ELAPOR2: variants seen among roughly 807,000 people sequenced by gnomAD.
ELAPOR2 encodes endosome-lysosome associated apoptosis and autophagy regulator family member 2.
A neutral mutation model predicts 120.7 loss-of-function variants in ELAPOR2; 89 were observed. That is an observed-to-expected ratio of 0.74 (90% confidence interval 0.62 to 0.88). The LOEUF (loss-of-function observed/expected upper bound fraction) is 0.88, where lower values mean the gene tolerates loss of function less well. ELAPOR2 is among the 40% of genes least tolerant of loss of function. ELAPOR2 has a pLI of 0.00. For missense variants in ELAPOR2, 1,134 were observed against 1,251.6 expected (o/e 0.91, Z 1.42); for synonymous variants, 444 against 444.9 (o/e 1.00, Z 0.03).
intron 1 of ELAPOR2, among the ~76,000 whole-genome samples, chr7:86,978,238 C>CG: frequency 6.6e-6 from 1 of 152,250 alleles, no homozygotes; most frequent in East Asian, 1.9e-4. Context: ...TGCCTTCCGC[C>CG]GTGACTGTAA....
chr7:86,988,737 GCCTGACCC>G (rs973651994), intron 1 of ELAPOR2, among the ~76,000 whole-genome samples: 1 of 152,180 alleles, frequency 6.6e-6, no homozygotes, highest in African/African-American at 2.4e-5. Context: ...CCTTGAGTGT[GCCTGACCC>G]CCTCCCCTGG....
At chr7:87,014,506 G>A (rs1374458893) in intron 1 of ELAPOR2, among the ~76,000 whole-genome samples, 1 of 152,060 alleles carries the variant, frequency 6.6e-6, no homozygotes, top group Non-Finnish European at 1.5e-5. Flanking sequence ...GCCAAACACG[G>A]GTTTACACAC....
chr7:86,876,982 A>G lies in ELAPOR2; in HGVS notation c.*3489T>C, dbSNP rs1799192121. 3 of 152,196 alleles carry G rather than the reference A, an allele frequency of 2.0e-5. No individual in the cohort carries two copies. Among genetic ancestry groups the G allele is most frequent in the Admixed American group, 1.3e-4 (2 of 15,268 alleles). The allele number at this position is 152,196 out of a possible 1,614,324, so 9.4% of individuals were successfully genotyped here. A position where few individuals can be genotyped will look rare whatever the true frequency, so the allele number is the denominator to read the frequency against. On this transcript the variant is annotated 3_prime_UTR_variant, in exon 22 of 22. Transcript: ENST00000450689. ...TTACATTTTGTATGTGGTTGCTTTC[A>G]TACTACAATGGCAGAGTTGAGTAAA... is the stretch of plus-strand genomic sequence containing the variant.
chr7:86,912,916 A>C (rs1400900869), intron 14 of ELAPOR2, 25 bp downstream of exon 14: 2 of 1,608,174 alleles, frequency 1.2e-6, no homozygotes, highest in Non-Finnish European at 1.7e-6. Context: ...TTTCATGGGG[A>C]TACCTGAAAT....
intron 1 of ELAPOR2, among the ~76,000 whole-genome samples, chr7:86,974,611 G>GTGTGTT (rs1792214289): frequency 6.6e-6 from 1 of 151,440 alleles, no homozygotes; most frequent in Admixed American, 6.6e-5. Context: ...GTGTGTGTGT[G>GTGTGTT]TGTGTGTGTT....
intron 1 of ELAPOR2, among the ~76,000 whole-genome samples, chr7:86,993,234 C>CAAAAAAAAAAAAAA (rs1159917841): frequency 8.8e-5 from 5 of 57,110 alleles, no homozygotes; most frequent in African/African-American, 2.3e-4. Flanking sequence ...GACTCCATCT[C>CAAAAAAAAAAAAAA]AAAAAAAAAA....
At position 86,942,531 on chromosome 7, in the gene ELAPOR2, T is replaced by C. The variant is rs148370693; in HGVS notation, c.655-427A>G. On this transcript the variant is annotated intron_variant, in intron 4 of 21. Transcript: ENST00000450689. ...CTTTATAATATTTGCAGCAGTAAAA[T>C]TTTAAATTAAAAATAAATAAAGTCC... Among the ~76,000 whole-genome samples, 173 of 152,160 alleles carry C rather than the reference T, an allele frequency of 1.1e-3. 1 individual carries two copies. The highest frequency in any genetic ancestry group is 4.0e-3 in the African/African-American group (168 of 41,550).
At chr7:86,918,598 G>T in intron 11 of ELAPOR2, 54 bp from the exon 12 acceptor site, 2 of 1,130,148 alleles carry the variant, frequency 1.8e-6, no homozygotes, top group Non-Finnish European at 2.7e-6. Flanking sequence ...ATACAATTTA[G>T]AATAAAATTA....
At chr7:86,907,552 A>C in intron 18 of ELAPOR2, 118 bp downstream of exon 18, 3 of 668,822 alleles carry the variant, frequency 4.5e-6, no homozygotes, top group Middle Eastern at 3.3e-4. Flanking sequence ...AAAAAACCCT[A>C]CAGATTGTTC....
chr7:87,056,932 T>C (rs147275360), intron 1 of ELAPOR2, among the ~76,000 whole-genome samples: 290 of 152,346 alleles, frequency 1.9e-3, no homozygotes, highest in African/African-American at 6.6e-3. Context: ...GGCCTATAGC[T>C]TTTTCTATAC....
At chr7:86,937,810 C>T (rs943606496) in intron 8 of ELAPOR2, among the ~76,000 whole-genome samples, 7 of 152,034 alleles carry the variant, frequency 4.6e-5, no homozygotes, top group Non-Finnish European at 8.8e-5. Flanking sequence ...ATGTGACAGG[C>T]ACTGGGCTAG....
At chr7:87,048,839 T>C (rs1202161858) in intron 1 of ELAPOR2, among the ~76,000 whole-genome samples, 7 of 152,326 alleles carry the variant, frequency 4.6e-5, no homozygotes, top group Admixed American at 4.6e-4. Flanking sequence ...AAATTAGTAA[T>C]GATCGTAACA....
intron 1 of ELAPOR2, among the ~76,000 whole-genome samples, chr7:87,052,156 C>T (rs913300480): frequency 1.1e-4 from 17 of 152,128 alleles, no homozygotes; most frequent in Admixed American, 9.2e-4. Flanking sequence ...ATTCCTGTGT[C>T]GGTCCATTTT....
chr7:87,002,026 A>G lies in ELAPOR2; in HGVS notation c.190-37002T>C, dbSNP rs563066485. ...ATGCTGTTCTGCTATTGTGTCAGGT[A>G]TGGCTGCAGAGTCTCATTCACAGTA... On this transcript the variant is annotated intron_variant, in intron 1 of 21. Coordinates refer to ENST00000450689, the MANE Select transcript of ELAPOR2 (RefSeq NM_001142749.3). 6.6e-5 allele frequency among the ~76,000 whole-genome samples: 10 copies of G among 152,254 alleles called. No homozygotes were observed. The South Asian group carries it at 1.9e-3, about 28-fold the overall frequency.
At chr7:86,930,983 A>G (rs1790299664) in intron 8 of ELAPOR2, among the ~76,000 whole-genome samples, 1 of 151,954 alleles carries the variant, frequency 6.6e-6, no homozygotes, top group African/African-American at 2.4e-5. Flanking sequence ...TCTAATAGTG[A>G]TAAGACAGGT....
chr7:86,923,908 T>C (rs904638351), intron 10 of ELAPOR2, among the ~76,000 whole-genome samples: 1 of 152,086 alleles, frequency 6.6e-6, no homozygotes, highest in African/African-American at 2.4e-5. Flanking sequence ...TACATACCTG[T>C]TCTGTAACTG....
At chr7:86,949,107 C>T (rs1468656998) in intron 2 of ELAPOR2, among the ~76,000 whole-genome samples, 4 of 152,160 alleles carry the variant, frequency 2.6e-5, no homozygotes, top group Non-Finnish European at 5.9e-5. Flanking sequence ...TTGAGAAAAC[C>T]TTAAAGATGC....
At chr7:87,031,239 T>A (rs1237732262) in intron 1 of ELAPOR2, among the ~76,000 whole-genome samples, 1 of 152,218 alleles carries the variant, frequency 6.6e-6, no homozygotes. Flanking sequence ...TTAACTCCTC[T>A]CAGTTTTTCT....
At chr7:86,941,418 G>A (rs1395011135) in intron 5 of ELAPOR2, 1 of 520,938 alleles carries the variant, frequency 1.9e-6, no homozygotes, top group Admixed American at 2.0e-5. Flanking sequence ...TTTACTTCAT[G>A]TAACCAGAGA....
Sources: allele counts gnomAD v4.1 joint callset (sites outside exome capture counted in the v4.1 genomes callset), GRCh38; gene constraint gnomAD v4.1.1; transcripts MANE v1.5; gene names NCBI Gene and HGNC (gene_info 2026-07-23, HGNC 2026-07-21).